OR1A1: variants seen among roughly 807,000 people sequenced by gnomAD.
The protein encoded by OR1A1 is olfactory receptor 1A1.
For missense variants in OR1A1, 391 were observed against 379.9 expected (o/e 1.03, Z -0.24); for synonymous variants, 145 against 147.8 (o/e 0.98, Z 0.13).
chr17:3,212,334 T>G (rs2048446464), intron 2 of OR1A1, 133 bp from the exon 3 acceptor site: 1 of 152,214 alleles, frequency 6.6e-6, no homozygotes, highest in Non-Finnish European at 1.5e-5. Flanking sequence ...GGCTCATGTT[T>G]CTTGTTCTGA....
In OR1A1 at chr17:3,216,819, G is replaced by A. The variant is rs188752838; in HGVS notation, c.*269G>A. 1.3e-3 allele frequency: 460 copies of A among 349,930 alleles called. 3 individuals carry two copies. The highest frequency in any genetic ancestry group is 7.5e-3 in the African/African-American group (364 of 48,258). 21.7% of individuals were successfully genotyped at this position (349,930 alleles called of 1,614,324 possible). A position where few individuals can be genotyped will look rare whatever the true frequency, so the allele number is the denominator to read the frequency against. On this transcript the variant is annotated 3_prime_UTR_variant, in exon 4 of 4. Coordinates refer to ENST00000641732, the MANE Select transcript of OR1A1 (RefSeq NM_014565.3). ...GAGCAGAGTCAAGTTGGGAAGATCTGAGCCTCAGCTTTCACATCTACATGT... is the reference window on the plus strand; with the variant it reads ...GAGCAGAGTCAAGTTGGGAAGATCTAAGCCTCAGCTTTCACATCTACATGT...
chr17:3,215,416 T>C (rs1015044041), intron 3 of OR1A1, among the ~76,000 whole-genome samples, 200 bp from the exon 4 acceptor site: 1 of 152,166 alleles, frequency 6.6e-6, no homozygotes, highest in African/African-American at 2.4e-5. Flanking sequence ...TTTTTAGACA[T>C]GACTATAAAG....
chr17:3,209,513 T>A (rs1373577730), intron 2 of OR1A1, among the ~76,000 whole-genome samples: 8 of 152,198 alleles, frequency 5.3e-5, no homozygotes, highest in Non-Finnish European at 1.2e-4. Flanking sequence ...TGTGGGTACA[T>A]AGTACAATTC....
rs2048475383 is a variant in OR1A1, at chr17:3,217,376, C to G, written c.*826C>G. ...CCCAAAGTAATTTATAGATTCAATGCTATTCCCATCAAACTACCATTGACA... is the reference window on the plus strand; with the variant it reads ...CCCAAAGTAATTTATAGATTCAATGGTATTCCCATCAAACTACCATTGACA... On this transcript the variant is annotated 3_prime_UTR_variant, in exon 4 of 4. Coordinates refer to ENST00000641732, the MANE Select transcript of OR1A1 (RefSeq NM_014565.3). 1 of 152,206 alleles carries G rather than the reference C, an allele frequency of 6.6e-6. No individual in the cohort carries two copies. Among genetic ancestry groups the G allele is most frequent in the African/African-American group, 2.4e-5 (1 of 41,444 alleles). 9.4% of individuals were successfully genotyped at this position (152,206 alleles called of 1,614,324 possible).
intron 3 of OR1A1, 101 bp from the exon 4 acceptor site, chr17:3,215,515 C>A: frequency 1.2e-6 from 1 of 835,154 alleles, no homozygotes. Flanking sequence ...CAGGTGTATA[C>A]ACAGCTGAAT....
rs1030638500 is a variant in OR1A1, at chr17:3,215,719, C to T, written c.99C>T (p.Phe33=). Residue 33 remains phenylalanine (F), a synonymous_variant, in exon 4 of 4, where the codon TTC becomes TTT. Transcript: ENST00000641732. ...ATTTCTTCTACATCCTCTTCTTGTT[C>T]ATTTACCCCATCACATTGATTGGAA... The part of the protein sequence containing the change: ...QEDFFYILFL[F]IYPITLIGNL... 28 of 1,614,074 alleles carry T rather than the reference C, an allele frequency of 1.7e-5. No individual in the cohort carries two copies. The highest frequency in any genetic ancestry group is 1.9e-5 in the Non-Finnish European group (23 of 1,179,962).
chr17:3,214,810 G>A (rs1172243413), intron 3 of OR1A1: 2 of 151,956 alleles, frequency 1.3e-5, no homozygotes, highest in Non-Finnish European at 2.9e-5. Flanking sequence ...AAGGCTGAGA[G>A]AAAGGCATTG....
In OR1A1 at chr17:3,218,244, G is replaced by A. The variant is rs954410603; in HGVS notation, c.*1694G>A. ...ACACCATCTCATGCCAGTTGGAATG[G>A]CGATCATTAAAAAGTAAGGAAACAA... On this transcript the variant is annotated 3_prime_UTR_variant, in exon 4 of 4. Coordinates refer to ENST00000641732, the MANE Select transcript of OR1A1 (RefSeq NM_014565.3). 3.3e-5 allele frequency: 5 copies of A among 152,324 alleles called. No homozygotes were observed. The highest frequency in any genetic ancestry group is 1.9e-4 in the East Asian group (1 of 5,188). 9.4% of individuals were successfully genotyped at this position (152,324 alleles called of 1,614,324 possible).
Position 3,216,535 on chromosome 17 carries a change from G to C in OR1A1, c.915G>C (p.Lys305Asn). The C allele has an allele frequency of 6.2e-7, 1 of 1,611,654 alleles. No homozygotes were observed. The highest frequency in any genetic ancestry group is 1.7e-4 in the Middle Eastern group (1 of 6,038). ...CTGCCCTGCGGAAACTCTTCAACAA[G>C]AGAATCTCCTCGTAACCAATGTGAG... The part of the protein sequence containing the change: ...MKAALRKLFN[K>N]RISS The change falls in exon 4 of 4, where the codon AAG becomes AAC. Residue 305 changes from lysine to asparagine, a missense_variant. Lys to Asn is a moderately conservative substitution (Grantham distance 94, BLOSUM62 0). Transcript: ENST00000641732.
rs2048478313 is a variant in OR1A1 at position 3,217,936 on chromosome 17, T to G, written c.*1386T>G. ...CCAAAATTGACAAATGGGATCTAAT[T>G]AAACTAAAGAGCTTCTGCACAGCAA... On this transcript the variant is annotated 3_prime_UTR_variant, in exon 4 of 4. Transcript: ENST00000641732. The G allele has an allele frequency of 6.6e-6, 1 of 152,088 alleles. No individual in the cohort carries two copies. Among genetic ancestry groups the G allele is most frequent in the Admixed American group, 6.5e-5 (1 of 15,274 alleles). 9.4% of individuals were successfully genotyped at this position (152,088 alleles called of 1,614,324 possible).
chr17:3,211,700 G>T (rs1038706826), intron 2 of OR1A1, among the ~76,000 whole-genome samples: 1 of 152,060 alleles, frequency 6.6e-6, no homozygotes, highest in Non-Finnish European at 1.5e-5. Context: ...ATCTGGTTTG[G>T]GGTTGCATTA....
At position 3,215,769 on chromosome 17, in the gene OR1A1, G is replaced by A. The variant is rs764496623; in HGVS notation, c.149G>A (p.Cys50Tyr). ...IGNLLIVLAI[C>Y]SDVRLHNPMY... Reference sequence around the variant, plus strand: ...AACCTGCTCATCGTCCTAGCCATTTGCTCTGATGTTCGCCTTCACAACCCC... The same window carrying A: ...AACCTGCTCATCGTCCTAGCCATTTACTCTGATGTTCGCCTTCACAACCCC... Residue 50 changes from cysteine to tyrosine, a missense_variant, in exon 4 of 4, where the codon TGC (cysteine) becomes TAC (tyrosine). Cys to Tyr is a radical substitution (Grantham distance 194, BLOSUM62 -2). Coordinates refer to ENST00000641732, the MANE Select transcript of OR1A1 (RefSeq NM_014565.3). 13 of 1,614,050 alleles carry A rather than the reference G, an allele frequency of 8.1e-6. 1 individual carries two copies. In the South Asian group the frequency reaches 1.2e-4, roughly 15 times the overall value.
Position 3,217,827 on chromosome 17 carries a change from AGAAG to A in OR1A1, c.*1278_*1281del, listed in dbSNP as rs2048477880. ...TAAGACCTAAAACCATAAAAACCTT[AGAAG>A]AAAACGTAGGCAATACCATTCAGGA... On this transcript the variant is annotated 3_prime_UTR_variant, in exon 4 of 4. Coordinates refer to ENST00000641732, the MANE Select transcript of OR1A1 (RefSeq NM_014565.3). The A allele has an allele frequency of 6.6e-6, 1 of 152,262 alleles. No individual in the cohort carries two copies. The highest frequency in any genetic ancestry group is 2.4e-5 in the African/African-American group (1 of 41,468). 9.4% of individuals were successfully genotyped at this position (152,262 alleles called of 1,614,324 possible). A position where few individuals can be genotyped will look rare whatever the true frequency, so the allele number is the denominator to read the frequency against.
chr17:3,216,388 C>A lies in OR1A1; in HGVS notation c.768C>A (p.Gly256=), dbSNP rs1433818400. The change falls in exon 4 of 4, where the codon GGC becomes GGA. Residue 256 remains glycine (G), a synonymous_variant. Transcript: ENST00000641732. ...VVSLYYGTVM[G]TYFRPLTNYS... Reference sequence around the variant, plus strand: ...CTTTGTATTATGGTACAGTCATGGGCACGTATTTCCGCCCTTTGACCAATT... The same window carrying A: ...CTTTGTATTATGGTACAGTCATGGGAACGTATTTCCGCCCTTTGACCAATT... 2 of 1,614,076 alleles carry A rather than the reference C, an allele frequency of 1.2e-6. No individual in the cohort carries two copies. Among genetic ancestry groups the A allele is most frequent in the African/African-American group, 1.3e-5 (1 of 74,924 alleles).
intron 2 of OR1A1, among the ~76,000 whole-genome samples, chr17:3,209,256 C>A (rs889231164): frequency 1.3e-5 from 2 of 152,130 alleles, no homozygotes; most frequent in Non-Finnish European, 2.9e-5. Flanking sequence ...CATAGCTTAG[C>A]TCCCACATAT....
At chr17:3,215,576 T>C (rs1259401114) in intron 3 of OR1A1, 40 bp from the exon 4 acceptor site, 10 of 1,399,744 alleles carry the variant, frequency 7.1e-6, no homozygotes, top group African/African-American at 1.4e-5. Flanking sequence ...ACAGTAACTA[T>C]GCTAATATAA....
chr17:3,213,015 G>A (rs912680677), intron 3 of OR1A1: 3 of 152,436 alleles, frequency 2.0e-5, no homozygotes, highest in African/African-American at 4.8e-5. Context: ...CATAGGGCAT[G>A]AATTTCTGGT....
At position 3,215,940 on chromosome 17, in the gene OR1A1, T is replaced by C; in HGVS notation, c.320T>C (p.Leu107Ser). 1 of 1,614,158 alleles carries C rather than the reference T, an allele frequency of 6.2e-7. No homozygotes were observed. The highest frequency in any genetic ancestry group is 1.7e-5 in the Admixed American group (1 of 60,018). Residue 107 changes from leucine to serine, a missense_variant, in exon 4 of 4, where the codon TTG (leucine) becomes TCG (serine). By Grantham distance (145) the Leu-to-Ser change is moderately radical (BLOSUM62 -2). Coordinates refer to ENST00000641732, the MANE Select transcript of OR1A1 (RefSeq NM_014565.3). ...ACGCAGATGTATTTCATGATAGCCTTGGGTAACACAGACAGCTATATTTTG... is the reference window on the plus strand; with the variant it reads ...ACGCAGATGTATTTCATGATAGCCTCGGGTAACACAGACAGCTATATTTTG... ...CLTQMYFMIA[L>S]GNTDSYILAA...
At chr17:3,210,357 G>C (rs976716394) in intron 2 of OR1A1, among the ~76,000 whole-genome samples, 1 of 151,952 alleles carries the variant, frequency 6.6e-6, no homozygotes, top group Non-Finnish European at 1.5e-5. Context: ...TGTGAATTTC[G>C]ACTTTCCTGG....
Sources: allele counts gnomAD v4.1 joint callset (sites outside exome capture counted in the v4.1 genomes callset), GRCh38; gene constraint gnomAD v4.1.1; transcripts MANE v1.5; gene names NCBI Gene and HGNC (gene_info 2026-07-23, HGNC 2026-07-21).